The following AMPD3 variants were observed in gnomAD, a reference collection of about 807,000 sequenced individuals.
AMPD3 encodes the protein adenosine monophosphate deaminase 3.
AMPD3 carries 57 observed loss-of-function variants against 82.3 expected under a neutral mutation model. The ratio of observed to expected loss-of-function variants is 0.69; its 90% confidence interval spans 0.56 to 0.86. The LOEUF is 0.86. AMPD3 is among the 40% of genes least tolerant of loss of function. AMPD3 has a pLI of 0.00. For synonymous variants in AMPD3, 381 were observed against 394.7 expected (o/e 0.97, Z 0.41); for missense variants, 870 against 1,003.8 (o/e 0.87, Z 1.80).
At chr11:10,490,762 G>T (rs565903836) in intron 6 of AMPD3, among the ~76,000 whole-genome samples, 1 of 152,190 alleles carries the variant, frequency 6.6e-6, no homozygotes, top group African/African-American at 2.4e-5. Context: ...CCCAGAATCC[G>T]CTGAGTCATG....
intron 10 of AMPD3, 43 bp downstream of exon 10, chr11:10,496,981 G>A: frequency 1.2e-6 from 2 of 1,608,332 alleles, no homozygotes; most frequent in African/African-American, 1.3e-5. Flanking sequence ...TAGCGGCAGA[G>A]GCAGGAATGG....
intron 2 of AMPD3, among the ~76,000 whole-genome samples, chr11:10,471,319 T>C (rs535471541): frequency 6.6e-6 from 1 of 152,300 alleles, no homozygotes; most frequent in South Asian, 2.1e-4. Context: ...CAAGATGGAT[T>C]AAAGACTTAA....
At chr11:10,473,066 T>C (rs1488464056) in intron 2 of AMPD3, among the ~76,000 whole-genome samples, 1 of 151,978 alleles carries the variant, frequency 6.6e-6, no homozygotes, top group East Asian at 1.9e-4. Context: ...GGCCAGGAGT[T>C]TGAGACCAGC....
rs1236768355 is a variant in AMPD3, at chr11:10,482,064, T to A, written c.428T>A (p.Ile143Asn). The change falls in exon 4 of 15, where the codon ATC (isoleucine) becomes AAC (asparagine). Residue 143 changes from isoleucine (I) to asparagine (N), a missense_variant and splice_region_variant. Transcript: ENST00000396553. ...VTISGDYCAG[I>N]TLEDYEQAAK... Reference sequence around the variant, plus strand: ...TTCCTGCCTGCCTCCCTTCTGCAGATCACTTTGGAGGACTATGAGCAGGCA... The same window carrying A: ...TTCCTGCCTGCCTCCCTTCTGCAGAACACTTTGGAGGACTATGAGCAGGCA... The A allele has an allele frequency of 3.1e-6, 5 of 1,614,098 alleles. No individual in the cohort carries two copies. The highest frequency in any genetic ancestry group is 1.7e-5 in the Admixed American group (1 of 60,012).
chr11:10,476,104 C>T (rs904781679), intron 2 of AMPD3, among the ~76,000 whole-genome samples: 11 of 152,170 alleles, frequency 7.2e-5, no homozygotes, highest in Admixed American at 6.5e-4. Context: ...CAATAGAAAA[C>T]AAATCCAGGG....
In AMPD3 at chr11:10,456,374, T is replaced by G. The variant is rs1848094031; in HGVS notation, c.-6+926T>G. On this transcript the variant is annotated intron_variant, in intron 1 of 14. Transcript: ENST00000396553. The surrounding 1 kb of genome is among the most constrained non-coding windows in gnomAD (Gnocchi z 4.3). ...CCGGGTGCATCACTTGAGTGGCATC[T>G]TCAGGACCAGTCATGGAGCCAGGCT... The G allele has an allele frequency of 1.9e-6, 3 of 1,613,772 alleles. No homozygotes were observed. Among genetic ancestry groups the G allele is most frequent in the African/African-American group, 2.7e-5 (2 of 75,052 alleles).
In AMPD3 at chr11:10,461,798, G is replaced by C. The variant is rs1848278988; in HGVS notation, c.221+58G>C. On this transcript the variant is annotated intron_variant, in intron 2 of 14. Coordinates refer to ENST00000396553, the MANE Select transcript of AMPD3 (RefSeq NM_001025389.2). ...AGAGTCATGCAGACCCAGGCAGGCTGTGGGTGTGTGTCCTGATATGAGGCA... is the reference window on the plus strand; with the variant it reads ...AGAGTCATGCAGACCCAGGCAGGCTCTGGGTGTGTGTCCTGATATGAGGCA... 3.3e-6 allele frequency: 5 copies of C among 1,512,316 alleles called. No homozygotes were observed. In the South Asian group the frequency reaches 4.8e-5, roughly 14 times the overall value. The allele number at this position is 1,512,316 out of a possible 1,614,324, so 93.7% of individuals were successfully genotyped here. A position where few individuals can be genotyped will look rare whatever the true frequency, so the allele number is the denominator to read the frequency against.
At position 10,497,755 on chromosome 11, in the gene AMPD3, T is replaced by C. The variant is rs192192472; in HGVS notation, c.1557+817T>C. 35 of 985,130 alleles carry C rather than the reference T, an allele frequency of 3.6e-5. 1 individual carries two copies. In the Admixed American group the frequency reaches 2.1e-3, roughly 59 times the overall value. The allele number at this position is 985,130 out of a possible 1,614,324, so 61.0% of individuals were successfully genotyped here. On this transcript the variant is annotated intron_variant, in intron 10 of 14. Coordinates refer to ENST00000396553, the MANE Select transcript of AMPD3 (RefSeq NM_001025389.2). ...GGGGCAGGGGTGAGAGTCAGGGGCC[T>C]GCCTGGAGACAGGAGGGGAGCTTGA...
rs1849721365 is a variant in AMPD3 at position 10,506,660 on chromosome 11, T to TTAGC, written c.*776_*777insTAGC. On this transcript the variant is annotated 3_prime_UTR_variant, in exon 15 of 15. Coordinates refer to ENST00000396553, the MANE Select transcript of AMPD3 (RefSeq NM_001025389.2). This position sits in a 1 kb window ranked among gnomAD's most constrained non-coding sequence, Gnocchi z 4.1. ...GTTTTACACTGGGGCTGCTACATAA[T>TTAGC]ATTTTCATTTGAACGAAGAACTTCA... 1 of 152,686 alleles carries TTAGC rather than the reference T, an allele frequency of 6.5e-6. No homozygotes were observed. The highest frequency in any genetic ancestry group is 1.5e-5 in the Non-Finnish European group (1 of 68,126). The allele number at this position is 152,686 out of a possible 1,614,324, so 9.5% of individuals were successfully genotyped here.
chr11:10,500,548 T>G (rs1564857638), intron 11 of AMPD3: 1 of 945,604 alleles, frequency 1.1e-6, no homozygotes, highest in Non-Finnish European at 1.3e-6. Flanking sequence ...CACATTTATA[T>G]GTACACACAC....
intron 2 of AMPD3, among the ~76,000 whole-genome samples, chr11:10,470,807 A>C (rs1308485108): frequency 1.3e-5 from 2 of 152,242 alleles, no homozygotes; most frequent in African/African-American, 4.8e-5. Flanking sequence ...CAAGGAAATA[A>C]GAAAGGACAA....
At chr11:10,492,839 G>A (rs1849276330) in intron 6 of AMPD3, among the ~76,000 whole-genome samples, 1 of 152,186 alleles carries the variant, frequency 6.6e-6, no homozygotes, top group South Asian at 2.1e-4. Context: ...AGGAGGTTGT[G>A]GGAAATTTCT....
At chr11:10,491,593 G>A (rs910280994) in intron 6 of AMPD3, among the ~76,000 whole-genome samples, 2 of 152,196 alleles carry the variant, frequency 1.3e-5, no homozygotes, top group African/African-American at 2.4e-5. Flanking sequence ...TTGAACTCCC[G>A]TGGTGGCAGT....
At chr11:10,487,696 G>T (rs754109364) in intron 6 of AMPD3, among the ~76,000 whole-genome samples, 15 of 152,178 alleles carry the variant, frequency 9.9e-5, no homozygotes, top group Admixed American at 5.2e-4. Context: ...TACTTTTAAG[G>T]TAGGGGATGT....
At chr11:10,467,257 A>G (rs139070524) in intron 2 of AMPD3, among the ~76,000 whole-genome samples, 182 of 152,320 alleles carry the variant, frequency 1.2e-3, no homozygotes, top group Non-Finnish European at 2.0e-3. Flanking sequence ...TGCAAGGAAG[A>G]TAAGAACCTT....
At chr11:10,452,777 A>G (rs549564651), upstream of AMPD3, among the ~76,000 whole-genome samples, 9 of 152,336 alleles carry the variant, frequency 5.9e-5, no homozygotes, top group Non-Finnish European at 1.2e-4. Flanking sequence ...GTACCAGTCT[A>G]AACACTTCAC....
intron 6 of AMPD3, among the ~76,000 whole-genome samples, chr11:10,488,715 G>A (rs1218079295): frequency 6.6e-6 from 1 of 152,186 alleles, no homozygotes; most frequent in African/African-American, 2.4e-5. Flanking sequence ...TTGCTTGGAG[G>A]AGGGATGGCT....
chr11:10,485,548 C>T (rs972080011), intron 5 of AMPD3, among the ~76,000 whole-genome samples: 1 of 152,114 alleles, frequency 6.6e-6, no homozygotes, highest in African/African-American at 2.4e-5. Flanking sequence ...ACCGGCCTCC[C>T]TGTCCCTTCT....
chr11:10,500,148 G>C lies in AMPD3; in HGVS notation c.1620G>C (p.Lys540Asn), dbSNP rs372073804. The C allele has an allele frequency of 1.2e-6, 2 of 1,614,206 alleles. No individual in the cohort carries two copies. The highest frequency in any genetic ancestry group is 2.2e-5 in the East Asian group (1 of 44,878). ...SKHSDHMFSD[K>N]SPNPDVWTSE... ...ACAGCGACCACATGTTTTCCGACAAGAGCCCAAACCCGGACGTCTGGACCA... is the reference window on the plus strand; with the variant it reads ...ACAGCGACCACATGTTTTCCGACAACAGCCCAAACCCGGACGTCTGGACCA... The change falls in exon 11 of 15, where the codon AAG (lysine) becomes AAC (asparagine). Residue 540 changes from lysine (K) to asparagine (N), a missense_variant. Lys to Asn is a moderately conservative substitution (Grantham distance 94, BLOSUM62 0). Transcript: ENST00000396553.
Sources: gnomAD v4.1 joint callset for allele counts (sites outside exome capture counted in the v4.1 genomes callset) on GRCh38, gnomAD v4.1.1 for gene constraint, Gnocchi (gnomAD v3.1) non-coding constraint, MANE v1.5 for transcripts, NCBI Gene and HGNC (gene_info 2026-07-23, HGNC 2026-07-21) for gene names.